Variants in SRPRB observed in about 807,000 individuals in gnomAD.
SRPRB encodes the protein signal recognition particle receptor subunit beta.
A neutral mutation model predicts 31.9 loss-of-function variants in SRPRB; 20 were observed. The observed-to-expected ratio is 0.63, with a 90% CI of 0.44 to 0.91. The LOEUF (loss-of-function observed/expected upper bound fraction) is 0.91, where lower values mean the gene tolerates loss of function less well. SRPRB is among the 40% of genes least tolerant of loss of function. The pLI is 0.00. For synonymous variants in SRPRB, 146 were observed against 132.8 expected, an observed-to-expected ratio of 1.10 and a Z score of -0.68; for missense variants, 321 against 324.9, an observed-to-expected ratio of 0.99 and a Z score of 0.09.
At chr3:133,819,453 T>C (rs1935427595) in intron 6 of SRPRB, 100 bp from the exon 7 acceptor site, 3 of 1,074,078 alleles carry the variant, frequency 2.8e-6, no homozygotes, top group African/African-American at 1.6e-5. Context: ...GGCAATTCTA[T>C]AGTTAAGTTT....
At position 133,805,953 on chromosome 3, in the gene SRPRB, A is replaced by C; in HGVS notation, c.105A>C (p.Pro35=). 1 of 1,613,782 alleles carries C rather than the reference A, an allele frequency of 6.2e-7. No homozygotes were observed. Residue 35 remains proline, a synonymous_variant, in exon 1 of 7, where the codon CCA becomes CCC. Coordinates refer to ENST00000678299, the MANE Select transcript of SRPRB (RefSeq NM_001379313.1). ...GGCAGGAGCTGCAGCAGACGGACCC[A>C]ACGCTGTTGTCAGTAGTGGTGGCGG... ...TLRQELQQTD[P]TLLSVVVAVL...
intron 2 of SRPRB, among the ~76,000 whole-genome samples, chr3:133,807,387 G>T (rs1437077855): frequency 6.6e-6 from 1 of 151,430 alleles, no homozygotes; most frequent in Non-Finnish European, 1.5e-5. Flanking sequence ...CGAGTAGCTG[G>T]GACTACAGGC....
rs1331435171 is a variant in SRPRB at position 133,819,968 on chromosome 3, C to CT, written c.*202_*203insT. 7 of 551,306 alleles carry CT rather than the reference C, an allele frequency of 1.3e-5. No individual in the cohort carries two copies. Among genetic ancestry groups the CT allele is most frequent in the African/African-American group, 2.0e-5 (1 of 50,874 alleles). The allele number at this position is 551,306 out of a possible 1,614,324, so 34.2% of individuals were successfully genotyped here. ...TCAGTTCTCCCTTATGGCTGCCTTTCAAACAAGTACCTTTTATCTGATGCC... is the reference window on the plus strand; with the variant it reads ...TCAGTTCTCCCTTATGGCTGCCTTTCTAAACAAGTACCTTTTATCTGATGCC... On this transcript the variant is annotated 3_prime_UTR_variant, in exon 7 of 7. Coordinates refer to ENST00000678299, the MANE Select transcript of SRPRB (RefSeq NM_001379313.1).
At chr3:133,798,473 T>C (rs1410296013) in intron 1 of SRPRB, among the ~76,000 whole-genome samples, 1 of 152,242 alleles carries the variant, frequency 6.6e-6, no homozygotes, top group South Asian at 2.1e-4. Flanking sequence ...TGTTTCATTT[T>C]AAATTGAACA....
chr3:133,819,901 G>A lies in SRPRB; in HGVS notation c.*135G>A. The A allele has an allele frequency of 1.4e-6, 1 of 724,372 alleles. No individual in the cohort carries two copies. Among genetic ancestry groups the A allele is most frequent in the Non-Finnish European group, 2.2e-6 (1 of 460,596 alleles). The allele number at this position is 724,372 out of a possible 1,614,324, so 44.9% of individuals were successfully genotyped here. A position where few individuals can be genotyped will look rare whatever the true frequency, so the allele number is the denominator to read the frequency against. On this transcript the variant is annotated 3_prime_UTR_variant, in exon 7 of 7. Transcript: ENST00000678299. ...TTCTTTGTTCTGGAAACAAAGTACT[G>A]TTGAAACCAGCTTGGAATTTTTTTT... is the stretch of plus-strand genomic sequence containing the variant.
At chr3:133,811,455 A>G (rs1935260646) in intron 4 of SRPRB, among the ~76,000 whole-genome samples, 1 of 152,202 alleles carries the variant, frequency 6.6e-6, no homozygotes, top group Non-Finnish European at 1.5e-5. Flanking sequence ...TTGTTACTAA[A>G]TGTTTGCATT....
intron 1 of SRPRB, among the ~76,000 whole-genome samples, chr3:133,799,507 A>T (rs377322685): frequency 1.6e-4 from 25 of 152,230 alleles, no homozygotes; most frequent in African/African-American, 5.8e-4. Context: ...TATGAGCAGT[A>T]GCCTTGGAAG....
intron 5 of SRPRB, 111 bp downstream of exon 5, chr3:133,815,837 G>T: frequency 7.8e-7 from 1 of 1,276,488 alleles, no homozygotes; most frequent in South Asian, 1.5e-5. Flanking sequence ...TACAATTGCT[G>T]TAAAGAACTA....
chr3:133,795,091 G>GCT (rs1245038097), intron 1 of SRPRB: 3 of 152,226 alleles, frequency 2.0e-5, no homozygotes, highest in South Asian at 2.1e-4. Context: ...CTAAACAGAA[G>GCT]AGTATCTGTG....
rs774972344 is a variant in SRPRB, at chr3:133,815,641, T to C, written c.462T>C (p.Asp154=). 6.2e-7 allele frequency: 1 copy of C among 1,614,014 alleles called. No homozygotes were observed. Among genetic ancestry groups the C allele is most frequent in the East Asian group, 2.2e-5 (1 of 44,860 alleles). Residue 154 remains aspartate, a synonymous_variant, in exon 5 of 7, where the codon GAT becomes GAC. Transcript: ENST00000678299. ...CAGCATTCCAGCGAGAGGTGAAAGA[T>C]GTGGCTGAGTTTCTGTATCAAGTCC... ...DSAAFQREVK[D]VAEFLYQVLI... is the part of the protein sequence containing the mutation.
chr3:133,828,203 A>G, downstream of SRPRB: 1 of 573,654 alleles, frequency 1.7e-6, no homozygotes, highest in Non-Finnish European at 3.1e-6. Context: ...GAAAGACAAG[A>G]GTCAGAGCTA....
rs1935225081 is a variant in SRPRB, at chr3:133,809,760, AAAG to A, written c.328-1354_328-1352del. 2.6e-5 allele frequency among the ~76,000 whole-genome samples: 4 copies of A among 152,354 alleles called. No homozygotes were observed. The South Asian group carries it at 8.3e-4, about 32-fold the overall frequency. On this transcript the variant is annotated intron_variant, in intron 3 of 6. Coordinates refer to ENST00000678299, the MANE Select transcript of SRPRB (RefSeq NM_001379313.1). The stretch of plus-strand genomic sequence containing the variant: ...GATCTTGAAGACTTAGTATGGAAAA[AAAG>A]AACGTAAAGTATCATTAATAATTTC...
downstream of SRPRB, chr3:133,827,984 A>C: frequency 1.4e-6 from 1 of 702,888 alleles, no homozygotes; most frequent in Non-Finnish European, 2.6e-6. Flanking sequence ...TGCCAACAGC[A>C]CCTCGTCCTT....
In SRPRB at chr3:133,806,698, G is replaced by A. The variant is rs1295310040; in HGVS notation, c.244G>A (p.Val82Ile). ...TGATTCCGGGAAAACGTTGCTCTTT[G>A]TCAGGGTAAATGATTTCATTGACAC... ...LCDSGKTLLF[V>I]RLLTGLYRDT... The change falls in exon 2 of 7, where the codon GTC (valine) becomes ATC (isoleucine). Residue 82 changes from valine to isoleucine, a missense_variant. Val to Ile is a conservative substitution (Grantham distance 29). Transcript: ENST00000678299. 24 of 1,613,614 alleles carry A rather than the reference G, an allele frequency of 1.5e-5. No homozygotes were observed. Among genetic ancestry groups the A allele is most frequent in the Non-Finnish European group, 2.0e-5 (24 of 1,179,682 alleles).
chr3:133,792,978 CT>C (rs1483420935), intron 1 of SRPRB: 2 of 152,112 alleles, frequency 1.3e-5, no homozygotes, highest in Non-Finnish European at 2.9e-5. Context: ...TTATGAGAAT[CT>C]CACCTTATGG....
chr3:133,807,181 G>GT (rs1353322559), intron 2 of SRPRB, among the ~76,000 whole-genome samples: 3 of 149,496 alleles, frequency 2.0e-5, no homozygotes, highest in Non-Finnish European at 4.4e-5. Context: ...AATAGGAGAG[G>GT]TTTTCTGCTT....
chr3:133,791,892 C>G (rs1451782596), intron 1 of SRPRB: 1 of 152,122 alleles, frequency 6.6e-6, no homozygotes, highest in Non-Finnish European at 1.5e-5. Flanking sequence ...ATAATAAGAG[C>G]TTAAATCAAA....
chr3:133,821,859 G>T (rs1935480646), downstream of SRPRB, among the ~76,000 whole-genome samples: 1 of 152,142 alleles, frequency 6.6e-6, no homozygotes, highest in Admixed American at 6.5e-5. Flanking sequence ...TGTTTTTAAA[G>T]TCTCTTGGGG....
chr3:133,802,890 T>G (rs891008303), upstream of SRPRB, among the ~76,000 whole-genome samples: 1 of 152,196 alleles, frequency 6.6e-6, no homozygotes, highest in Non-Finnish European at 1.5e-5. Context: ...TTACGTTGGA[T>G]CCACAGCCCC....
Sources: allele counts gnomAD v4.1 joint callset (sites outside exome capture counted in the v4.1 genomes callset), GRCh38; gene constraint gnomAD v4.1.1; transcripts MANE v1.5; gene names NCBI Gene and HGNC (gene_info 2026-07-23, HGNC 2026-07-21).